The following FAM184B variants were observed in gnomAD, a reference collection of about 807,000 sequenced individuals.
The protein encoded by FAM184B is family with sequence similarity 184 member B.
In FAM184B, 111 loss-of-function variants were observed where a neutral mutation model predicts 135.9. The observed-to-expected ratio is 0.82, with a 90% CI of 0.70 to 0.96. The LOEUF is 0.96. FAM184B is among the 40% of genes least tolerant of loss of function. The pLI, the probability that FAM184B is intolerant of heterozygous loss-of-function variation, is 0.00. For synonymous variants in FAM184B, 552 were observed against 524.8 expected (o/e 1.05, Z -0.71); for missense variants, 1,375 against 1,323.9 (o/e 1.04, Z -0.60).
chr4:17,738,148 G>A (rs915883722), intron 1 of FAM184B, among the ~76,000 whole-genome samples: 2 of 152,148 alleles, frequency 1.3e-5, no homozygotes, highest in Admixed American at 1.3e-4. Context: ...GGATGGGCAT[G>A]TGACTCAAGC....
At chr4:17,775,316 G>T (rs560652234) in intron 1 of FAM184B, among the ~76,000 whole-genome samples, 22 of 152,230 alleles carry the variant, frequency 1.4e-4, no homozygotes, top group African/African-American at 5.1e-4. Context: ...CTCCCGAGTA[G>T]CTGGGACTAC....
At chr4:17,734,028 A>T (rs536502645) in intron 1 of FAM184B, among the ~76,000 whole-genome samples, 2 of 152,210 alleles carry the variant, frequency 1.3e-5, no homozygotes, top group African/African-American at 2.4e-5. Flanking sequence ...ATAATGCCAC[A>T]TATCTACAAC....
intron 6 of FAM184B, among the ~76,000 whole-genome samples, chr4:17,692,981 C>T (rs1351645461): frequency 6.6e-6 from 1 of 151,096 alleles, no homozygotes; most frequent in Non-Finnish European, 1.5e-5. Context: ...TTGCTAAGAG[C>T]CCACAAAGGG....
chr4:17,639,472 C>T (rs556192983), intron 13 of FAM184B, 76 bp from the exon 14 acceptor site: 2 of 1,494,454 alleles, frequency 1.3e-6, no homozygotes, highest in African/African-American at 2.8e-5. Context: ...GTTTATTTCC[C>T]TCATCGCTGC....
chr4:17,776,266 A>G (rs748879187), intron 1 of FAM184B, among the ~76,000 whole-genome samples: 6 of 152,254 alleles, frequency 3.9e-5, no homozygotes, highest in Non-Finnish European at 7.3e-5. Context: ...TAACAAACCT[A>G]TAGGAGGAAA....
intron 7 of FAM184B, among the ~76,000 whole-genome samples, chr4:17,665,897 C>G (rs189986702): frequency 3.7e-5 from 5 of 134,788 alleles, no homozygotes; most frequent in African/African-American, 1.0e-4. Context: ...CTCCTCCCCC[C>G]GCCCCCCAGT....
chr4:17,681,025 A>G (rs1299640940), intron 7 of FAM184B, among the ~76,000 whole-genome samples: 1 of 152,220 alleles, frequency 6.6e-6, no homozygotes, highest in Non-Finnish European at 1.5e-5. Flanking sequence ...AGATACTATA[A>G]AGTCAACTTA....
At chr4:17,721,645 C>T (rs554932137) in intron 1 of FAM184B, among the ~76,000 whole-genome samples, 54 of 152,176 alleles carry the variant, frequency 3.5e-4, no homozygotes, top group South Asian at 1.0e-3. Context: ...CATGACATGA[C>T]GCTGGACAGG....
intron 9 of FAM184B, among the ~76,000 whole-genome samples, chr4:17,659,735 C>G (rs942785176): frequency 6.6e-6 from 1 of 152,204 alleles, no homozygotes; most frequent in African/African-American, 2.4e-5. Flanking sequence ...ATCTGCCCCC[C>G]TCGGCCTCCC....
In FAM184B at chr4:17,639,353, C is replaced by A; in HGVS notation, c.2563G>T (p.Glu855Ter). Reference protein sequence around the residue: ...TQQAQRAREVETLRQEHRKEM... With the variant: ...TQQAQRAREV ...TTCCGGTGTTCCTGGCGCAGTGTCT[C>A]CACCTCCCTGGCCCGCTGGGCTTGC... Residue 855 changes from glutamate (E) to a stop codon, truncating the protein, a stop_gained, in exon 14 of 18, where the codon GAG (glutamate) becomes TAG (stop). Transcript: ENST00000265018. LOFTEE classifies it high-confidence loss of function. 6.4e-7 allele frequency: 1 copy of A among 1,551,758 alleles called. No individual in the cohort carries two copies. The highest frequency in any genetic ancestry group is 8.7e-7 in the Non-Finnish European group (1 of 1,147,008).
At chr4:17,780,828 A>C (rs1401712938) in intron 1 of FAM184B, among the ~76,000 whole-genome samples, 1 of 152,128 alleles carries the variant, frequency 6.6e-6, no homozygotes, top group Non-Finnish European at 1.5e-5. Context: ...AGTTGAATGA[A>C]ATCACAACAT....
intron 1 of FAM184B, among the ~76,000 whole-genome samples, chr4:17,775,763 C>T (rs1476351020): frequency 1.3e-5 from 2 of 152,172 alleles, no homozygotes; most frequent in Non-Finnish European, 2.9e-5. Flanking sequence ...TCAAATATCA[C>T]ATGTTCTCAC....
chr4:17,650,953 T>C (rs1245267067), intron 11 of FAM184B, among the ~76,000 whole-genome samples: 2 of 152,096 alleles, frequency 1.3e-5, no homozygotes, highest in African/African-American at 4.8e-5. Flanking sequence ...AGGCTGGTCT[T>C]GAACTACTGA....
chr4:17,630,684 GTGTT>G lies in FAM184B; in HGVS notation c.*1844_*1847del, dbSNP rs956012092. On this transcript the variant is annotated 3_prime_UTR_variant, in exon 18 of 18. Transcript: ENST00000265018. Reference sequence around the variant, plus strand: ...ATGGTGTGTTAATGTATGGTGACAAGTGTTTGTTTGCATTTAAAAATGCATTGGA... The same window carrying G: ...ATGGTGTGTTAATGTATGGTGACAAGTGTTTGCATTTAAAAATGCATTGGA... 1 of 152,164 alleles carries G rather than the reference GTGTT, an allele frequency of 6.6e-6. No individual in the cohort carries two copies. Among genetic ancestry groups the G allele is most frequent in the African/African-American group, 2.4e-5 (1 of 41,430 alleles). The allele number at this position is 152,164 out of a possible 1,614,324, so 9.4% of individuals were successfully genotyped here.
chr4:17,649,448 G>C (rs900199816), intron 11 of FAM184B, among the ~76,000 whole-genome samples: 5 of 152,008 alleles, frequency 3.3e-5, no homozygotes, highest in African/African-American at 1.2e-4. Context: ...GCCAGGCGTG[G>C]TGGCAGGTGC....
At chr4:17,692,652 C>T (rs1716763842) in intron 6 of FAM184B, among the ~76,000 whole-genome samples, 2 of 152,168 alleles carry the variant, frequency 1.3e-5, no homozygotes, top group South Asian at 4.1e-4. Context: ...ACAGCCAGGG[C>T]TGAGGAACTG....
chr4:17,771,949 T>C (rs1231154825), intron 1 of FAM184B, among the ~76,000 whole-genome samples: 2 of 152,152 alleles, frequency 1.3e-5, no homozygotes, highest in East Asian at 3.9e-4. Context: ...TGGAAAATTT[T>C]CCCCCAACTA....
At chr4:17,744,461 T>TCACACA (rs57912683) in intron 1 of FAM184B, among the ~76,000 whole-genome samples, 31 of 140,980 alleles carry the variant, frequency 2.2e-4, no homozygotes, top group Admixed American at 8.0e-4. Flanking sequence ...TCTCTCTCTC[T>TCACACA]CACACACACA....
intron 1 of FAM184B, among the ~76,000 whole-genome samples, chr4:17,753,464 A>G (rs1308936265): frequency 2.0e-5 from 3 of 152,238 alleles, no homozygotes; most frequent in Admixed American, 6.5e-5. Context: ...AAAGATAACC[A>G]TAAGACAATT....
Sources: gnomAD v4.1 joint callset for allele counts (sites outside exome capture counted in the v4.1 genomes callset) on GRCh38, gnomAD v4.1.1 for gene constraint, MANE v1.5 for transcripts, NCBI Gene and HGNC (gene_info 2026-07-23, HGNC 2026-07-21) for gene names.